TBCD: variants seen among roughly 807,000 people sequenced by gnomAD.
TBCD encodes tubulin-specific chaperone D.
TBCD carries 105 observed loss-of-function variants against 169.3 expected under a neutral mutation model. The observed-to-expected ratio is 0.62, with a 90% CI of 0.53 to 0.73. TBCD has a LOEUF of 0.73. Ranked by LOEUF, TBCD falls within the 30% of genes least tolerant of loss-of-function variation. The pLI is 0.00. For synonymous variants in TBCD, 700 were observed against 643.9 expected (o/e 1.09, Z -1.32); for missense variants, 1,444 against 1,600.1 (o/e 0.90, Z 1.66).
intron 17 of TBCD, among the ~76,000 whole-genome samples, chr17:82,898,533 C>G (rs1211061137): frequency 6.6e-6 from 1 of 152,200 alleles, no homozygotes; most frequent in African/African-American, 2.4e-5. Context: ...TTTCTGTAAA[C>G]TTTTTGATGA....
At position 82,884,084 on chromosome 17, in the gene TBCD, C is replaced by T. The variant is rs557196506; in HGVS notation, c.1476-61C>T. On this transcript the variant is annotated intron_variant, in intron 14 of 38. Transcript: ENST00000355528. The surrounding 1 kb of genome is among the most constrained non-coding windows in gnomAD (Gnocchi z 4.2). ...TGAGAGAAAGGCTTTCTCATCGATA[C>T]TGTGTGGTCTGTACTGTTTTGCAGA... The T allele has an allele frequency of 3.4e-6, 5 of 1,479,932 alleles. No individual in the cohort carries two copies. The highest frequency in any genetic ancestry group is 2.4e-5 in the East Asian group (1 of 41,382). 91.7% of individuals were successfully genotyped at this position (1,479,932 alleles called of 1,614,324 possible).
chr17:82,858,832 G>A (rs541036453), intron 13 of TBCD, among the ~76,000 whole-genome samples: 65 of 152,310 alleles, frequency 4.3e-4, no homozygotes, highest in African/African-American at 1.5e-3. Context: ...GGTGCGGCTC[G>A]TGGGTGGCTG....
chr17:82,832,777 TG>T lies in TBCD; in HGVS notation c.1318+17844del, dbSNP rs1379731422. On this transcript the variant is annotated intron_variant, in intron 13 of 38. Transcript: ENST00000355528. This position sits in a 1 kb window ranked among gnomAD's most constrained non-coding sequence, Gnocchi z 4.9. ...ACTGCCTGCTCCTGAGGGGAGCAGC[TG>T]CCGGTCACAGAAGCAGCCCTGCCCT... 1 of 430,910 alleles carries T rather than the reference TG, an allele frequency of 2.3e-6. No individual in the cohort carries two copies. Among genetic ancestry groups the T allele is most frequent in the African/African-American group, 2.0e-5 (1 of 50,058 alleles). 26.7% of individuals were successfully genotyped at this position (430,910 alleles called of 1,614,324 possible). A position where few individuals can be genotyped will look rare whatever the true frequency, so the allele number is the denominator to read the frequency against.
intron 3 of TBCD, among the ~76,000 whole-genome samples, chr17:82,765,651 C>T (rs2047983639): frequency 6.6e-6 from 1 of 152,188 alleles, no homozygotes; most frequent in Non-Finnish European, 1.5e-5. Flanking sequence ...TAGGATTTCT[C>T]CGGAAGGCGT....
At chr17:82,868,023 G>A (rs2057300143) in intron 13 of TBCD, among the ~76,000 whole-genome samples, 1 of 152,196 alleles carries the variant, frequency 6.6e-6, no homozygotes, top group Non-Finnish European at 1.5e-5. Flanking sequence ...GCCGTGCAGG[G>A]CCTTCCACAG....
intron 17 of TBCD, 99 bp downstream of exon 17, chr17:82,893,731 C>T: frequency 1.2e-6 from 1 of 824,124 alleles, no homozygotes; most frequent in South Asian, 1.7e-5. Context: ...CCTGTAATGT[C>T]CACTCAATGG....
intron 13 of TBCD, among the ~76,000 whole-genome samples, chr17:82,845,735 T>C (rs1321883831): frequency 6.6e-6 from 1 of 152,232 alleles, no homozygotes; most frequent in Non-Finnish European, 1.5e-5. Flanking sequence ...TCACCCTTTG[T>C]GACTTGGGGC....
At chr17:82,842,931 C>T (rs919524087) in intron 13 of TBCD, among the ~76,000 whole-genome samples, 1 of 151,938 alleles carries the variant, frequency 6.6e-6, no homozygotes, top group African/African-American at 2.4e-5. Flanking sequence ...CAGGCGCCCT[C>T]CACCACGTCC....
intron 13 of TBCD, among the ~76,000 whole-genome samples, chr17:82,845,438 C>T (rs941049639): frequency 1.3e-5 from 2 of 151,086 alleles, no homozygotes; most frequent in Admixed American, 6.6e-5. Flanking sequence ...TCCGGCCCGG[C>T]CCCTTCCTCT....
rs529297188 is a variant in TBCD at position 82,787,488 on chromosome 17, G to A, written c.771+5767G>A. On this transcript the variant is annotated intron_variant, in intron 7 of 38. Coordinates refer to ENST00000355528, the MANE Select transcript of TBCD (RefSeq NM_005993.5). Reference sequence around the variant, plus strand: ...TTCCTTCTGTCTCTTGGAAGGGTCCGTTTGGTCTGATCCAGGTTGCCTCAG... The same window carrying A: ...TTCCTTCTGTCTCTTGGAAGGGTCCATTTGGTCTGATCCAGGTTGCCTCAG... Among the ~76,000 whole-genome samples, 9 of 152,348 alleles carry A rather than the reference G, an allele frequency of 5.9e-5. No individual in the cohort carries two copies. In the East Asian group the frequency reaches 1.5e-3, roughly 26 times the overall value.
chr17:82,846,494 C>T (rs1441629402), intron 13 of TBCD, among the ~76,000 whole-genome samples: 1 of 152,238 alleles, frequency 6.6e-6, no homozygotes, highest in East Asian at 1.9e-4. Flanking sequence ...CCTGCTGCTG[C>T]AGGGCCCTGC....
At chr17:82,888,925 G>A (rs1459074824) in intron 15 of TBCD, among the ~76,000 whole-genome samples, 1 of 152,298 alleles carries the variant, frequency 6.6e-6, no homozygotes, top group South Asian at 2.1e-4. Flanking sequence ...GGCCGTGGGT[G>A]CACTTTGCTG....
intron 13 of TBCD, among the ~76,000 whole-genome samples, chr17:82,844,037 G>C (rs886202885): frequency 1.3e-5 from 2 of 152,144 alleles, no homozygotes; most frequent in East Asian, 1.9e-4. Flanking sequence ...CAACACTTCT[G>C]TTAAGTACTT....
At chr17:82,801,701 T>TC (rs2050561236) in intron 9 of TBCD, among the ~76,000 whole-genome samples, 1 of 44,820 alleles carries the variant, frequency 2.2e-5, no homozygotes, top group African/African-American at 8.7e-5. Context: ...GCGTGTGCGT[T>TC]GTGTGGCTCG....
In TBCD at chr17:82,869,922, C is replaced by G. The variant is rs541643779; in HGVS notation, c.1319-302C>G. On this transcript the variant is annotated intron_variant, in intron 13 of 38. Coordinates refer to ENST00000355528, the MANE Select transcript of TBCD (RefSeq NM_005993.5). ...GCGTTTCCTTGAGTCTCCTCAGACT[C>G]GGCAGACCCCTGGGTGGTATCATGT... is the stretch of plus-strand genomic sequence containing the variant. Among the ~76,000 whole-genome samples, 10 of 151,874 alleles carry G rather than the reference C, an allele frequency of 6.6e-5. No individual in the cohort carries two copies. The East Asian group carries it at 1.9e-3, about 29-fold the overall frequency.
intron 26 of TBCD, among the ~76,000 whole-genome samples, chr17:82,924,660 C>T (rs1345131315): frequency 6.6e-6 from 1 of 152,148 alleles, no homozygotes; most frequent in East Asian, 1.9e-4. Context: ...GTAATCCCAG[C>T]TACTTGGGAG....
Position 82,889,661 on chromosome 17 carries a change from T to G in TBCD, c.1534-7T>G. The G allele has an allele frequency of 6.2e-7, 1 of 1,613,930 alleles. No homozygotes were observed. ...CTCACCTGCTGTGTTTGTTCTTTGC[T>G]CCGCAGGCCGCCTTCCAGGAGAATG... On this transcript the variant is annotated splice_polypyrimidine_tract_variant and splice_region_variant and intron_variant, in intron 15 of 38. Coordinates refer to ENST00000355528, the MANE Select transcript of TBCD (RefSeq NM_005993.5). The surrounding 1 kb of genome is among the most constrained non-coding windows in gnomAD (Gnocchi z 5.3).
chr17:82,826,199 A>G (rs1286344309), intron 13 of TBCD, among the ~76,000 whole-genome samples: 1 of 151,200 alleles, frequency 6.6e-6, no homozygotes, highest in African/African-American at 2.4e-5. Flanking sequence ...TTATTTATTT[A>G]TTTTTTCCAC....
intron 15 of TBCD, among the ~76,000 whole-genome samples, chr17:82,887,153 G>GTA (rs2058775956): frequency 3.7e-5 from 4 of 108,940 alleles, no homozygotes; most frequent in Non-Finnish European, 7.4e-5. Context: ...GTGTGTGTGT[G>GTA]TGTGTGTGTG....
Sources: gnomAD v4.1 joint callset for allele counts (sites outside exome capture counted in the v4.1 genomes callset) on GRCh38, gnomAD v4.1.1 for gene constraint, Gnocchi (gnomAD v3.1) non-coding constraint, MANE v1.5 for transcripts, NCBI Gene and HGNC (gene_info 2026-07-23, HGNC 2026-07-21) for gene names.